RAB4A: variants seen among roughly 807,000 people sequenced by gnomAD.
RAB4A encodes ras-related protein Rab-4A.
RAB4A carries 20 observed loss-of-function variants against 34.5 expected under a neutral mutation model. That is an observed-to-expected ratio of 0.58 (90% CI 0.41 to 0.84). The LOEUF is 0.84. Among genes scored for constraint, RAB4A ranks in the 40% least tolerant of loss-of-function variants. RAB4A has a pLI of 0.00. For synonymous variants in RAB4A, 102 were observed against 100.0 expected, an observed-to-expected ratio of 1.02 and a Z score of -0.12; for missense variants, 228 against 274.5, an observed-to-expected ratio of 0.83 and a Z score of 1.20.
Position 229,305,129 on chromosome 1 carries a change from T to C in RAB4A, c.*1336T>C, listed in dbSNP as rs1483693331. ...AGAGCACAGAGACACATAAAAACTCTGGGAAATGACTAGGATAAAAATATC... is the reference window on the plus strand; with the variant it reads ...AGAGCACAGAGACACATAAAAACTCCGGGAAATGACTAGGATAAAAATATC... On this transcript the variant is annotated 3_prime_UTR_variant, in exon 8 of 8. Coordinates refer to ENST00000366690, the MANE Select transcript of RAB4A (RefSeq NM_004578.4). 1.5e-5 allele frequency: 24 copies of C among 1,579,056 alleles called. No homozygotes were observed. The highest frequency in any genetic ancestry group is 1.9e-5 in the Non-Finnish European group (22 of 1,164,610).
chr1:229,297,714 A>G (rs1657285379), intron 5 of RAB4A, 78 bp downstream of exon 5: 13 of 1,370,184 alleles, frequency 9.5e-6, no homozygotes, highest in Middle Eastern at 3.8e-4. Context: ...TTTAAAACAT[A>G]TATTGGAATT....
intron 1 of RAB4A, among the ~76,000 whole-genome samples, chr1:229,283,079 C>T (rs1656817033): frequency 6.6e-6 from 1 of 152,038 alleles, no homozygotes; most frequent in Non-Finnish European, 1.5e-5. Flanking sequence ...AATTGTTTTC[C>T]TCTCTTGGAC....
intron 1 of RAB4A, among the ~76,000 whole-genome samples, chr1:229,277,246 C>CA (rs1656674865): frequency 6.6e-6 from 1 of 150,716 alleles, no homozygotes; most frequent in African/African-American, 2.5e-5. Context: ...GTCTGTGCTG[C>CA]AAATGTTAAA....
rs1419420699 is a variant in RAB4A, at chr1:229,302,298, TATATATATATA to T, written c.542-563_542-553del. On this transcript the variant is annotated intron_variant, in intron 6 of 7. Transcript: ENST00000366690. ...ATATATATATATATATATATATATATATATATATATATTTTTTTTTTTTTTTTACATGTGCA... is the reference window on the plus strand; with the variant it reads ...ATATATATATATATATATATATATATTTTTTTTTTTTTTTTTACATGTGCA... Among the ~76,000 whole-genome samples, 126 of 33,478 alleles carry T rather than the reference TATATATATATA, an allele frequency of 3.8e-3. 1 individual carries two copies. The highest frequency in any genetic ancestry group is 0.011 in the East Asian group (15 of 1,334). 22.0% of individuals were successfully genotyped at this position (33,478 alleles called of 152,430 possible).
intron 1 of RAB4A, among the ~76,000 whole-genome samples, chr1:229,271,884 G>A (rs1656494348): frequency 6.6e-6 from 1 of 152,052 alleles, no homozygotes; most frequent in African/African-American, 2.4e-5. Context: ...CTCTTCCTCC[G>A]GAGACCTCTT....
At chr1:229,272,016 G>C (rs527916248) in intron 1 of RAB4A, among the ~76,000 whole-genome samples, 1 of 152,102 alleles carries the variant, frequency 6.6e-6, no homozygotes, top group Non-Finnish European at 1.5e-5. Flanking sequence ...GCAAAGCCCT[G>C]GCTGTTTAAT....
intron 3 of RAB4A, among the ~76,000 whole-genome samples, chr1:229,295,159 C>T (rs1345654392): frequency 6.6e-6 from 1 of 151,870 alleles, no homozygotes; most frequent in East Asian, 1.9e-4. Flanking sequence ...TCTCTCTTAC[C>T]CAGGCTGGTC....
chr1:229,301,604 G>A (rs1657387276), intron 6 of RAB4A, among the ~76,000 whole-genome samples: 2 of 152,008 alleles, frequency 1.3e-5, no homozygotes, highest in African/African-American at 4.8e-5. Flanking sequence ...CTCATATGCA[G>A]TCTTCCAAGA....
intron 1 of RAB4A, among the ~76,000 whole-genome samples, chr1:229,274,049 CT>C (rs11339660): frequency 0.45 from 37,948 of 85,098 alleles, 5,457 homozygotes; most frequent in Middle Eastern, 0.52. Flanking sequence ...TTTTGTTTCC[CT>C]TTTTTTTTTT....
At chr1:229,272,483 A>G (rs998562695) in intron 1 of RAB4A, among the ~76,000 whole-genome samples, 1 of 152,190 alleles carries the variant, frequency 6.6e-6, no homozygotes, top group African/African-American at 2.4e-5. Context: ...GAGGGAATGC[A>G]GTATTAATCC....
intron 6 of RAB4A, among the ~76,000 whole-genome samples, chr1:229,302,551 T>C (rs1299852774): frequency 6.6e-6 from 1 of 151,164 alleles, no homozygotes; most frequent in Non-Finnish European, 1.5e-5. Context: ...TAAATTATTT[T>C]ATATAAATAA....
chr1:229,305,231 G>A lies in RAB4A; in HGVS notation c.*1438G>A, dbSNP rs763032321. 11 of 1,609,030 alleles carry A rather than the reference G, an allele frequency of 6.8e-6. No homozygotes were observed. The highest frequency in any genetic ancestry group is 1.8e-4 in the Middle Eastern group (1 of 5,616). On this transcript the variant is annotated 3_prime_UTR_variant, in exon 8 of 8. Coordinates refer to ENST00000366690, the MANE Select transcript of RAB4A (RefSeq NM_004578.4). Reference sequence around the variant, plus strand: ...TATTTTATTTCAAAAAGTATCTGAAGCAAATTCTCAGACTGAACTACTTCT... The same window carrying A: ...TATTTTATTTCAAAAAGTATCTGAAACAAATTCTCAGACTGAACTACTTCT...
chr1:229,302,299 ATATATATATATT>A (rs1197320999), intron 6 of RAB4A, among the ~76,000 whole-genome samples: 246 of 37,372 alleles, frequency 6.6e-3, no homozygotes, highest in East Asian at 0.011. Flanking sequence ...ATATATATAT[ATATATATATATT>A]TTTTTTTTTT....
In RAB4A at chr1:229,271,127, T is replaced by C. The variant is rs1039216542; in HGVS notation, c.-213T>C. 5 of 372,392 alleles carry C rather than the reference T, an allele frequency of 1.3e-5. No individual in the cohort carries two copies. The highest frequency in any genetic ancestry group is 2.3e-5 in the Non-Finnish European group (5 of 215,708). The allele number at this position is 372,392 out of a possible 1,614,324, so 23.1% of individuals were successfully genotyped here. Reference sequence around the variant, plus strand: ...GCCCATCTCCTCTTCCTCCTCGCGGTCGCGGCCGGACGGAGGGTGGAGGGC... The same window carrying C: ...GCCCATCTCCTCTTCCTCCTCGCGGCCGCGGCCGGACGGAGGGTGGAGGGC... On this transcript the variant is annotated 5_prime_UTR_variant, in exon 1 of 8. Transcript: ENST00000366690.
rs1367253902 is a variant in RAB4A, at chr1:229,305,330, GC to G, written c.*1538del. The G allele has an allele frequency of 5.1e-6, 8 of 1,566,580 alleles. No homozygotes were observed. The highest frequency in any genetic ancestry group is 6.9e-6 in the Non-Finnish European group (8 of 1,158,352). ...TTTGCAAGCTGCTCATTTTTGAACA[GC>G]TTTTTGCATGGGATAGGAGCATGTC... On this transcript the variant is annotated 3_prime_UTR_variant, in exon 8 of 8. Coordinates refer to ENST00000366690, the MANE Select transcript of RAB4A (RefSeq NM_004578.4).
At chr1:229,272,088 G>A (rs1029251203) in intron 1 of RAB4A, among the ~76,000 whole-genome samples, 11 of 151,208 alleles carry the variant, frequency 7.3e-5, no homozygotes, top group African/African-American at 2.2e-4. Flanking sequence ...TTGAATAAGC[G>A]AAAGCTTTCC....
chr1:229,302,695 A>G (rs1461847494), intron 6 of RAB4A, among the ~76,000 whole-genome samples, 167 bp from the exon 7 acceptor site: 1 of 150,994 alleles, frequency 6.6e-6, no homozygotes, highest in East Asian at 1.9e-4. Context: ...CCTGCTAGAG[A>G]TGTTTTGTGC....
intron 1 of RAB4A, among the ~76,000 whole-genome samples, chr1:229,284,804 T>C (rs1375796243): frequency 6.6e-6 from 1 of 152,190 alleles, no homozygotes; most frequent in Non-Finnish European, 1.5e-5. Flanking sequence ...TAACATGGGC[T>C]CTCTACCCTC....
chr1:229,302,278 TA>T (rs55687082), intron 6 of RAB4A, among the ~76,000 whole-genome samples: 644 of 22,854 alleles, frequency 0.028, 41 homozygotes, highest in African/African-American at 0.06. Context: ...TATATATATA[TA>T]TATATATATA....
Sources: gnomAD v4.1 joint callset for allele counts (sites outside exome capture counted in the v4.1 genomes callset) on GRCh38, gnomAD v4.1.1 for gene constraint, MANE v1.5 for transcripts, NCBI Gene and HGNC (gene_info 2026-07-23, HGNC 2026-07-21) for gene names.